The following CHRNA5 variants were observed in gnomAD, a reference collection of about 807,000 sequenced individuals.
CHRNA5 encodes the protein neuronal acetylcholine receptor subunit alpha-5.
Under a neutral mutation model 41.2 loss-of-function variants are expected in CHRNA5, and 28 were observed. The ratio of observed to expected loss-of-function variants is 0.68; its 90% CI spans 0.50 to 0.93. The LOEUF is 0.93. Ranked by LOEUF, CHRNA5 falls within the 40% of genes least tolerant of loss-of-function variation. The pLI is 0.00. For missense variants in CHRNA5, 481 were observed against 581.9 expected (o/e 0.83, Z 1.78); for synonymous variants, 188 against 205.8 (o/e 0.91, Z 0.74).
At chr15:78,572,075 T>C (rs2052810672) in intron 1 of CHRNA5, among the ~76,000 whole-genome samples, 2 of 152,196 alleles carry the variant, frequency 1.3e-5, no homozygotes, top group South Asian at 4.1e-4. Context: ...CAGGAATGCC[T>C]TGATTATGAA....
intron 2 of CHRNA5, among the ~76,000 whole-genome samples, chr15:78,582,125 G>A (rs1160108990): frequency 3.3e-5 from 5 of 152,076 alleles, no homozygotes; most frequent in Admixed American, 2.6e-4. Flanking sequence ...AATATATGTG[G>A]ACTGTGTGTG....
At chr15:78,566,608 A>G (rs1181814915) in intron 1 of CHRNA5, among the ~76,000 whole-genome samples, 1 of 152,244 alleles carries the variant, frequency 6.6e-6, no homozygotes, top group Admixed American at 6.5e-5. Flanking sequence ...TAAGCAAGAT[A>G]TGATTACAGA....
rs201378465 is a variant in CHRNA5 at position 78,590,198 on chromosome 15, A to G, written c.807A>G (p.Val269=). The G allele has an allele frequency of 7.3e-5, 118 of 1,613,848 alleles. 1 individual carries two copies. In the South Asian group the frequency reaches 1.3e-3, roughly 17 times the overall value. ...GTATTGGGCTCTCATTTTTAACTGT[A>G]CTTGTCTTCTATCTTCCTTCAAATG... The change falls in exon 5 of 6, where the codon GTA becomes GTG. Residue 269 remains valine, a synonymous_variant. Coordinates refer to ENST00000299565, the Ensembl canonical transcript of CHRNA5.
At chr15:78,577,168 A>G (rs1048042693) in intron 1 of CHRNA5, among the ~76,000 whole-genome samples, 1 of 152,226 alleles carries the variant, frequency 6.6e-6, no homozygotes, top group African/African-American at 2.4e-5. Context: ...TGTTAGGGTG[A>G]TGAGAGCATG....
intron 2 of CHRNA5, among the ~76,000 whole-genome samples, chr15:78,586,354 G>C (rs2052961613): frequency 6.6e-6 from 1 of 152,096 alleles, no homozygotes; most frequent in Non-Finnish European, 1.5e-5. Flanking sequence ...TTATATCTTA[G>C]ACTGCATCTT....
At chr15:78,595,261 T>G (rs1455665374) in exon 6 of CHRNA5, 17 of 982,974 alleles carry the variant, frequency 1.7e-5, no homozygotes, top group Non-Finnish European at 2.1e-5. Context: ...ATATAAATTT[T>G]TATCGACATC....
In CHRNA5 at chr15:78,582,851, C is replaced by T. The variant is rs138508926; in HGVS notation, c.258+1889C>T. The stretch of plus-strand genomic sequence containing the variant: ...GGCATACAGGAGTGGTCTGACTGGA[C>T]GGTGGAGAAGGTGAGGAGAATCCCT... On this transcript the variant is annotated intron_variant, in intron 2 of 5. Transcript: ENST00000299565. 3.7e-3 allele frequency among the ~76,000 whole-genome samples: 560 copies of T among 152,244 alleles called. 3 individuals carry two copies. The highest frequency in any genetic ancestry group is 0.014 in the Middle Eastern group (4 of 294).
At chr15:78,585,844 G>A (rs1415250920) in intron 2 of CHRNA5, among the ~76,000 whole-genome samples, 1 of 137,222 alleles carries the variant, frequency 7.3e-6, no homozygotes, top group Non-Finnish European at 1.5e-5. Context: ...TAGTGCAGTG[G>A]CATGATCTTG....
At chr15:78,578,780 G>A (rs1033015218) in intron 1 of CHRNA5, among the ~76,000 whole-genome samples, 10 of 152,170 alleles carry the variant, frequency 6.6e-5, no homozygotes, top group African/African-American at 2.4e-4. Context: ...ATCCTTATGT[G>A]TATATTTGCT....
chr15:78,576,160 T>C (rs563891273), intron 1 of CHRNA5, among the ~76,000 whole-genome samples: 36 of 152,282 alleles, frequency 2.4e-4, no homozygotes, highest in Admixed American at 7.8e-4. Flanking sequence ...TTTGTTGTTG[T>C]TTTTGAGTTA....
intron 1 of CHRNA5, among the ~76,000 whole-genome samples, chr15:78,577,843 A>G (rs1273644364): frequency 6.6e-6 from 1 of 151,002 alleles, no homozygotes; most frequent in Non-Finnish European, 1.5e-5. Context: ...AGGTGGGAGG[A>G]TCGCTTGAGT....
chr15:78,570,860 G>T (rs1481407258), intron 1 of CHRNA5, among the ~76,000 whole-genome samples: 1 of 152,194 alleles, frequency 6.6e-6, no homozygotes, highest in African/African-American at 2.4e-5. Context: ...GGCGTCCTGT[G>T]CCTTGTAGGA....
intron 1 of CHRNA5, among the ~76,000 whole-genome samples, chr15:78,576,747 C>T (rs914626370): frequency 3.4e-5 from 5 of 149,122 alleles, no homozygotes; most frequent in South Asian, 2.1e-4. Flanking sequence ...TGCAGTGAGC[C>T]GTGATGGCGC....
At chr15:78,579,347 G>T (rs1398179421) in intron 1 of CHRNA5, among the ~76,000 whole-genome samples, 4 of 152,012 alleles carry the variant, frequency 2.6e-5, no homozygotes, top group African/African-American at 9.7e-5. Flanking sequence ...TCTGTCTCCC[G>T]GGCTCAAGCA....
chr15:78,575,008 G>A (rs888171080), intron 1 of CHRNA5, among the ~76,000 whole-genome samples: 1 of 151,568 alleles, frequency 6.6e-6, no homozygotes, highest in East Asian at 1.9e-4. Context: ...AAAAATTGTG[G>A]CTTATGGATG....
intron 1 of CHRNA5, among the ~76,000 whole-genome samples, chr15:78,567,906 G>T (rs2141393809): frequency 6.6e-6 from 1 of 152,294 alleles, no homozygotes; most frequent in East Asian, 1.9e-4. Context: ...GTGTACAACT[G>T]TCGTTCCATG....
At chr15:78,569,577 G>T (rs888063601) in intron 1 of CHRNA5, among the ~76,000 whole-genome samples, 4 of 151,552 alleles carry the variant, frequency 2.6e-5, no homozygotes, top group Non-Finnish European at 5.9e-5. Context: ...GGGACTACAG[G>T]CACCCGCCAC....
exon 1 of CHRNA5, chr15:78,565,681 G>T (rs950415191): frequency 2.6e-5 from 22 of 861,698 alleles, no homozygotes; most frequent in South Asian, 5.5e-5. Flanking sequence ...CGCGGCGGTC[G>T]AGAGGCGGCT....
At chr15:78,584,329 T>C (rs2052939767) in intron 2 of CHRNA5, among the ~76,000 whole-genome samples, 1 of 152,246 alleles carries the variant, frequency 6.6e-6, no homozygotes, top group Admixed American at 6.5e-5. Context: ...TAAAATCTTT[T>C]TATAAATACG....
Sources: allele counts gnomAD v4.1 joint callset (sites outside exome capture counted in the v4.1 genomes callset), GRCh38; gene constraint gnomAD v4.1.1; transcripts MANE v1.5; gene names NCBI Gene and HGNC (gene_info 2026-07-23, HGNC 2026-07-21).